Variants in PRDM6 observed in about 807,000 individuals in gnomAD.
The protein encoded by PRDM6 is putative histone-lysine N-methyltransferase PRDM6.
A neutral mutation model predicts 60.8 loss-of-function variants in PRDM6; 25 were observed. The ratio of observed to expected loss-of-function variants is 0.41; its 90% CI spans 0.30 to 0.57. PRDM6 has a LOEUF of 0.57. Among genes scored for constraint, PRDM6 ranks in the 20% least tolerant of loss-of-function variants. PRDM6 has a pLI of 0.27. For synonymous variants in PRDM6, 407 were observed against 357.4 expected, an observed-to-expected ratio of 1.14 and a Z score of -1.57; for missense variants, 839 against 821.3, an observed-to-expected ratio of 1.02 and a Z score of -0.26.
chr5:123,100,330 G>A (rs1191005394), intron 3 of PRDM6, among the ~76,000 whole-genome samples: 2 of 152,196 alleles, frequency 1.3e-5, no homozygotes, highest in African/African-American at 4.8e-5. Flanking sequence ...AGCGGAGGGT[G>A]GGCATTAGAA....
intron 3 of PRDM6, among the ~76,000 whole-genome samples, chr5:123,117,897 G>A (rs933816842): frequency 6.6e-6 from 1 of 152,240 alleles, no homozygotes; most frequent in South Asian, 2.1e-4. Flanking sequence ...ATAGGGGTGA[G>A]CCATTCATTC....
chr5:123,142,903 C>CAAAAAAAAAAAAAAAAAAAAAAAAAAAAA lies in PRDM6; in HGVS notation c.901-12978_901-12977insAAAAAAAAAAAAAAAAAAAAAAAAAAAAA, dbSNP rs1337695138. Among the ~76,000 whole-genome samples, 34 of 68,098 alleles carry CAAAAAAAAAAAAAAAAAAAAAAAAAAAAA rather than the reference C, an allele frequency of 5.0e-4. 4 individuals are homozygous for CAAAAAAAAAAAAAAAAAAAAAAAAAAAAA. Among genetic ancestry groups the CAAAAAAAAAAAAAAAAAAAAAAAAAAAAA allele is most frequent in the Admixed American group, 1.3e-3 (8 of 6,080 alleles). The allele number at this position is 68,098 out of a possible 152,430, so 44.7% of individuals were successfully genotyped here. ...AAAAAAAAAAAAAAAAAAAAAAAAA[C>CAAAAAAAAAAAAAAAAAAAAAAAAAAAAA]AAACAAACCAAAGCAAAACAAAACA... On this transcript the variant is annotated intron_variant, in intron 3 of 7. Transcript: ENST00000407847.
Position 123,099,936 on chromosome 5 carries a change from T to C in PRDM6, c.875T>C (p.Val292Ala), listed in dbSNP as rs1167277482. 2 of 1,532,082 alleles carry C rather than the reference T, an allele frequency of 1.3e-6. No individual in the cohort carries two copies. The highest frequency in any genetic ancestry group is 1.4e-5 in the African/African-American group (1 of 72,578). The allele number at this position is 1,532,082 out of a possible 1,614,324, so 94.9% of individuals were successfully genotyped here. The change falls in exon 3 of 8, where the codon GTG becomes GCG. Residue 292 changes from valine to alanine, a missense_variant. Coordinates refer to ENST00000407847, the MANE Select transcript of PRDM6 (RefSeq NM_001136239.4). The surrounding 1 kb of genome is among the most constrained non-coding windows in gnomAD (Gnocchi z 4.0). ...LPPEKVQAGA[V>A]RNTQHLWEIY... ...CCAGAGAAGGTGCAGGCAGGCGCCGTGAGGAACACGCAGCATCTCTGGGAG... is the reference window on the plus strand; with the variant it reads ...CCAGAGAAGGTGCAGGCAGGCGCCGCGAGGAACACGCAGCATCTCTGGGAG...
intron 3 of PRDM6, among the ~76,000 whole-genome samples, chr5:123,103,768 T>C (rs1418269349): frequency 6.6e-6 from 1 of 152,002 alleles, no homozygotes; most frequent in East Asian, 1.9e-4. Flanking sequence ...AATACGGAAG[T>C]TTAAAATAAG....
intron 3 of PRDM6, among the ~76,000 whole-genome samples, chr5:123,141,479 A>T (rs1449286591): frequency 1.3e-5 from 2 of 152,130 alleles, no homozygotes; most frequent in South Asian, 2.1e-4. Flanking sequence ...TTGTAATTGT[A>T]TGTCAGGCAC....
chr5:123,090,120 A>G lies in PRDM6; in HGVS notation c.106A>G (p.Lys36Glu), dbSNP rs1288538970. Residue 36 changes from lysine (K) to glutamate (E), a missense_variant, in exon 2 of 8, where the codon AAG (lysine) becomes GAG (glutamate). Transcript: ENST00000407847. The stretch of plus-strand genomic sequence containing the variant: ...CCCTCACGGAGGCGCAGGCCCGCTC[A>G]AGGGCAGCGGCGCCGCGGGTCTCCT... ...LFPHGGAGPL[K>E]GSGAAGLLSA... The G allele has an allele frequency of 6.5e-7, 1 of 1,541,094 alleles. No homozygotes were observed. Among genetic ancestry groups the G allele is most frequent in the Non-Finnish European group, 8.7e-7 (1 of 1,143,194 alleles).
intron 3 of PRDM6, among the ~76,000 whole-genome samples, chr5:123,102,193 T>C (rs926368975): frequency 1.3e-5 from 2 of 152,224 alleles, no homozygotes; most frequent in African/African-American, 4.8e-5. Flanking sequence ...GGAGATCACG[T>C]GAAATGCGAC....
At chr5:123,156,856 A>G (rs1356606194) in intron 4 of PRDM6, among the ~76,000 whole-genome samples, 1 of 152,142 alleles carries the variant, frequency 6.6e-6, no homozygotes, top group African/African-American at 2.4e-5. Flanking sequence ...TCAAATAGGA[A>G]AAAAGCCCCA....
At chr5:123,100,314 T>G (rs951846989) in intron 3 of PRDM6, among the ~76,000 whole-genome samples, 2 of 152,120 alleles carry the variant, frequency 1.3e-5, no homozygotes, top group Non-Finnish European at 2.9e-5. Flanking sequence ...GCTGAGGAGA[T>G]GGAGCAGCGG....
At chr5:123,097,963 G>A (rs533727021) in intron 2 of PRDM6, among the ~76,000 whole-genome samples, 1 of 152,324 alleles carries the variant, frequency 6.6e-6, no homozygotes, top group East Asian at 1.9e-4. Context: ...CTGAGGCAAA[G>A]GTTTGGCTGG....
chr5:123,158,685 A>G (rs1056152834), intron 4 of PRDM6, among the ~76,000 whole-genome samples: 6 of 152,312 alleles, frequency 3.9e-5, no homozygotes, highest in South Asian at 2.1e-4. Flanking sequence ...CAAGGAACAA[A>G]TTGCCCTGCT....
Position 123,187,264 on chromosome 5 carries a change from G to A in PRDM6, c.*63G>A. ...ATGATTAAATGTCACGGACACTTAA[G>A]CAAAACCAAAGATTTCCTCTGAGCA... On this transcript the variant is annotated 3_prime_UTR_variant, in exon 8 of 8. Coordinates refer to ENST00000407847, the MANE Select transcript of PRDM6 (RefSeq NM_001136239.4). 1 of 1,302,714 alleles carries A rather than the reference G, an allele frequency of 7.7e-7. No homozygotes were observed. Among genetic ancestry groups the A allele is most frequent in the Non-Finnish European group, 1.1e-6 (1 of 924,600 alleles). The allele number at this position is 1,302,714 out of a possible 1,614,324, so 80.7% of individuals were successfully genotyped here.
chr5:123,178,606 C>T (rs1766069188), intron 6 of PRDM6, among the ~76,000 whole-genome samples: 1 of 152,098 alleles, frequency 6.6e-6, no homozygotes, highest in African/African-American at 2.4e-5. Flanking sequence ...TGTTTGAGAG[C>T]AGTTAGATAG....
chr5:123,158,395 T>A (rs1035710361), intron 4 of PRDM6, among the ~76,000 whole-genome samples: 37 of 152,198 alleles, frequency 2.4e-4, no homozygotes, highest in Admixed American at 1.3e-4. Context: ...GCTAGGCAAC[T>A]GGCTGGAGTT....
At position 123,189,567 on chromosome 5, in the gene PRDM6, A is replaced by T. The variant is rs1326999770; in HGVS notation, c.*2366A>T. 1.3e-5 allele frequency: 2 copies of T among 152,184 alleles called. No homozygotes were observed. Among genetic ancestry groups the T allele is most frequent in the African/African-American group, 2.4e-5 (1 of 41,444 alleles). 9.4% of individuals were successfully genotyped at this position (152,184 alleles called of 1,614,324 possible). Reference sequence around the variant, plus strand: ...CAAACTTCCACTGAATGTGGCAGTAACCTGTACTCCAAAACACTCTTCTAG... The same window carrying T: ...CAAACTTCCACTGAATGTGGCAGTATCCTGTACTCCAAAACACTCTTCTAG... On this transcript the variant is annotated 3_prime_UTR_variant, in exon 8 of 8. Coordinates refer to ENST00000407847, the MANE Select transcript of PRDM6 (RefSeq NM_001136239.4).
At chr5:123,089,769 G>C (rs1438329074) in intron 1 of PRDM6, among the ~76,000 whole-genome samples, 1 of 152,210 alleles carries the variant, frequency 6.6e-6, no homozygotes, top group Non-Finnish European at 1.5e-5. Flanking sequence ...GATGGGAGCT[G>C]GACGCTGCGA....
At chr5:123,093,407 T>C (rs115403748) in intron 2 of PRDM6, among the ~76,000 whole-genome samples, 1,691 of 152,314 alleles carry the variant, frequency 0.011, 30 homozygotes, top group African/African-American at 0.039. Flanking sequence ...GCATCTATGG[T>C]AAATGTCACA....
chr5:123,150,554 C>T (rs151027267), intron 3 of PRDM6, among the ~76,000 whole-genome samples: 48 of 152,304 alleles, frequency 3.2e-4, no homozygotes, highest in Non-Finnish European at 5.7e-4. Context: ...GCCTCTACCT[C>T]CTGACACGCA....
intron 2 of PRDM6, among the ~76,000 whole-genome samples, chr5:123,098,672 G>GCTTCAC (rs1764019446): frequency 6.6e-6 from 1 of 152,228 alleles, no homozygotes; most frequent in Non-Finnish European, 1.5e-5. Context: ...CCATTGTATA[G>GCTTCAC]CACAACAGAA....
Sources: gnomAD v4.1 joint callset for allele counts (sites outside exome capture counted in the v4.1 genomes callset) on GRCh38, gnomAD v4.1.1 for gene constraint, Gnocchi (gnomAD v3.1) non-coding constraint, MANE v1.5 for transcripts, NCBI Gene and HGNC (gene_info 2026-07-23, HGNC 2026-07-21) for gene names.